TSHZ2: variants seen among roughly 807,000 people sequenced by gnomAD.
TSHZ2 encodes the protein teashirt homolog 2.
In TSHZ2, 21 loss-of-function variants were observed where a neutral mutation model predicts 74.4. That is an observed-to-expected ratio of 0.28 (90% confidence interval 0.20 to 0.41). TSHZ2 has a LOEUF of 0.41. Among genes scored for constraint, TSHZ2 ranks in the 10% least tolerant of loss-of-function variants. The pLI, the probability that TSHZ2 is intolerant of heterozygous loss-of-function variation, is 1.00. For missense variants in TSHZ2, 1,244 were observed against 1,293.5 expected, an observed-to-expected ratio of 0.96 and a Z score of 0.59; for synonymous variants, 540 against 515.3, an observed-to-expected ratio of 1.05 and a Z score of -0.65.
chr20:53,485,283 G>A (rs913540216), intron 2 of TSHZ2, among the ~76,000 whole-genome samples: 8 of 152,140 alleles, frequency 5.3e-5, no homozygotes, highest in East Asian at 1.9e-4. Context: ...TTACATTATC[G>A]TAGTATCATA....
At chr20:53,184,801 C>T (rs1600729286) in intron 1 of TSHZ2, among the ~76,000 whole-genome samples, 1 of 152,168 alleles carries the variant, frequency 6.6e-6, no homozygotes, top group Admixed American at 6.5e-5. Flanking sequence ...CTCTGCCTCC[C>T]GAGTTCAAAC....
At chr20:53,075,628 G>A (rs6126746) in intron 1 of TSHZ2, among the ~76,000 whole-genome samples, 1 of 152,224 alleles carries the variant, frequency 6.6e-6, no homozygotes, top group Admixed American at 6.5e-5. Flanking sequence ...GAAGGCAGCA[G>A]GACAGGTGAG....
chr20:52,975,639 G>A (rs191721804), intron 1 of TSHZ2, among the ~76,000 whole-genome samples: 1 of 152,050 alleles, frequency 6.6e-6, no homozygotes, highest in Admixed American at 6.6e-5. Context: ...CACCAGAAGC[G>A]GAAACCCTTT....
At chr20:53,301,702 T>TGTTACTTG (rs1991478621) in intron 2 of TSHZ2, among the ~76,000 whole-genome samples, 1 of 152,234 alleles carries the variant, frequency 6.6e-6, no homozygotes, top group Non-Finnish European at 1.5e-5. Flanking sequence ...CTCCTTTTAT[T>TGTTACTTG]GTTACTTGGT....
At chr20:53,021,917 G>T (rs1159098427) in intron 1 of TSHZ2, among the ~76,000 whole-genome samples, 1 of 152,138 alleles carries the variant, frequency 6.6e-6, no homozygotes, top group Non-Finnish European at 1.5e-5. Context: ...GGAATCTTGG[G>T]ACCTGAGTAT....
chr20:53,251,090 G>A (rs978076448), intron 1 of TSHZ2, among the ~76,000 whole-genome samples: 104 of 152,310 alleles, frequency 6.8e-4, no homozygotes, highest in African/African-American at 2.4e-3. Context: ...TTAGCCAATT[G>A]TGATGACAGA....
chr20:53,255,547 G>T lies in TSHZ2; in HGVS notation c.2089G>T (p.Ala697Ser). Residue 697 changes from alanine (A) to serine (S), a missense_variant, in exon 2 of 3, where the codon GCC (alanine) becomes TCC (serine). This residue lies in a region of TSHZ2 where 562 missense variants were observed against 544.0 expected (regional missense o/e 1.03). Transcript: ENST00000371497. This position sits in a 1 kb window ranked among gnomAD's most constrained non-coding sequence, Gnocchi z 4.1. The part of the protein sequence containing the change: ...PALPCINPLS[A>S]LQSVLNNHLG... ...CCTGCCATGCATCAACCCACTCAGC[G>T]CCCTGCAGTCCGTCCTGAACAATCA... The T allele has an allele frequency of 1.3e-6, 2 of 1,585,360 alleles. No individual in the cohort carries two copies. The highest frequency in any genetic ancestry group is 8.6e-7 in the Non-Finnish European group (1 of 1,167,516).
At chr20:53,020,227 A>C (rs191156395) in intron 1 of TSHZ2, among the ~76,000 whole-genome samples, 51 of 152,262 alleles carry the variant, frequency 3.3e-4, no homozygotes, top group Non-Finnish European at 6.2e-4. Context: ...CAACCATGTC[A>C]CTTCGTCACC....
At chr20:53,007,324 G>A (rs1378944463) in intron 1 of TSHZ2, among the ~76,000 whole-genome samples, 2 of 152,068 alleles carry the variant, frequency 1.3e-5, no homozygotes, top group African/African-American at 4.8e-5. Context: ...AGAGAAAGAT[G>A]GTAAGGAAGG....
intron 1 of TSHZ2, among the ~76,000 whole-genome samples, chr20:53,126,996 T>C (rs1433093405): frequency 6.6e-6 from 1 of 151,278 alleles, no homozygotes; most frequent in African/African-American, 2.4e-5. Context: ...TTAATAATTA[T>C]TGGCTGAAGG....
intron 1 of TSHZ2, among the ~76,000 whole-genome samples, chr20:53,059,485 T>C (rs1201972162): frequency 1.3e-5 from 2 of 152,170 alleles, no homozygotes; most frequent in African/African-American, 4.8e-5. Context: ...AAAGATGATT[T>C]ACAAAAATGA....
chr20:53,239,596 G>A (rs1161558236), intron 1 of TSHZ2, among the ~76,000 whole-genome samples: 1 of 152,146 alleles, frequency 6.6e-6, no homozygotes, highest in Non-Finnish European at 1.5e-5. Flanking sequence ...GCCATTTGAA[G>A]TGGCCTTGGA....
At chr20:53,313,764 G>C (rs899117880) in intron 2 of TSHZ2, among the ~76,000 whole-genome samples, 2 of 152,150 alleles carry the variant, frequency 1.3e-5, no homozygotes, top group Admixed American at 1.3e-4. Context: ...AGAAGTGAGA[G>C]AATTAAACAC....
chr20:53,410,470 T>G (rs1460450961), intron 2 of TSHZ2, among the ~76,000 whole-genome samples: 1 of 152,056 alleles, frequency 6.6e-6, no homozygotes, highest in African/African-American at 2.4e-5. Context: ...GATAACAAAA[T>G]CGGTGGAGGA....
chr20:53,043,389 G>C (rs1984116663), intron 1 of TSHZ2, among the ~76,000 whole-genome samples: 1 of 152,130 alleles, frequency 6.6e-6, no homozygotes, highest in South Asian at 2.1e-4. Context: ...ATTAGGTAGA[G>C]ACCAGGAATA....
intron 1 of TSHZ2, among the ~76,000 whole-genome samples, chr20:53,197,507 G>T (rs78871245): frequency 2.4e-3 from 371 of 152,248 alleles, no homozygotes; most frequent in African/African-American, 8.6e-3. Flanking sequence ...TCCTCCCAAA[G>T]GTTTAATTTA....
chr20:52,973,244 G>T lies in TSHZ2; in HGVS notation c.-50G>T. The T allele has an allele frequency of 6.4e-7, 1 of 1,550,822 alleles. No homozygotes were observed. On this transcript the variant is annotated 5_prime_UTR_variant, in exon 1 of 3. Transcript: ENST00000371497. ...GGCCAGAGAGACAGCGGGCCCCAGCGCGCGGCTCGGGGCTGGGGCGCCAGA... is the reference window on the plus strand; with the variant it reads ...GGCCAGAGAGACAGCGGGCCCCAGCTCGCGGCTCGGGGCTGGGGCGCCAGA...
chr20:53,321,697 A>AAAAAAAAAAAAAAAAAAAAAG (rs1555850300), intron 2 of TSHZ2, among the ~76,000 whole-genome samples: 1 of 140,512 alleles, frequency 7.1e-6, no homozygotes, highest in African/African-American at 2.8e-5. Context: ...AAAAAAAAAA[A>AAAAAAAAAAAAAAAAAAAAAG]AAAGAAAGAC....
chr20:53,117,933 G>T (rs1986714246), intron 1 of TSHZ2, among the ~76,000 whole-genome samples: 1 of 152,178 alleles, frequency 6.6e-6, no homozygotes, highest in South Asian at 2.1e-4. Flanking sequence ...GGATGTAAAG[G>T]ATGAGAAGTG....
Sources: gnomAD v4.1 joint callset for allele counts (sites outside exome capture counted in the v4.1 genomes callset) on GRCh38, gnomAD v4.1.1 for gene constraint, gnomAD v4.1.1 regional missense constraint, Gnocchi (gnomAD v3.1) non-coding constraint, MANE v1.5 for transcripts, NCBI Gene and HGNC (gene_info 2026-07-23, HGNC 2026-07-21) for gene names.